Variants in MICALL2 observed in about 807,000 individuals in gnomAD.
The protein encoded by MICALL2 is MICAL like 2, also known as MICAL-like protein 2.
Under a neutral mutation model 91.1 loss-of-function variants are expected in MICALL2, and 111 were observed. The ratio of observed to expected loss-of-function variants is 1.22; its 90% confidence interval spans 1.04 to 1.43. MICALL2 has a LOEUF of 1.43. MICALL2 is among the 40% of genes most tolerant of loss of function. The probability of loss-of-function intolerance (pLI) is 0.00; values close to 1 mark genes in which losing one functional copy is unlikely to be tolerated. For missense variants in MICALL2, 1,556 were observed against 1,236.0 expected (o/e 1.26, Z -3.88); for synonymous variants, 694 against 525.3 (o/e 1.32, Z -4.39).
chr7:1,442,722 C>A (rs1584212656), intron 6 of MICALL2, among the ~76,000 whole-genome samples: 1 of 152,150 alleles, frequency 6.6e-6, no homozygotes, highest in Non-Finnish European at 1.5e-5. Flanking sequence ...CTCCCAATGA[C>A]CACCCTGGCA....
At position 1,448,774 on chromosome 7, in the gene MICALL2, G is replaced by A. The variant is rs759754655; in HGVS notation, c.193-13C>T. ...CCACGCGGAAGGCCTGCGAAAGGTG[G>A]GAGGGGGTCAGCGGGGCAGCTGGGA... On this transcript the variant is annotated splice_polypyrimidine_tract_variant and intron_variant, in intron 2 of 16. Coordinates refer to ENST00000297508, the MANE Select transcript of MICALL2 (RefSeq NM_182924.4). The A allele has an allele frequency of 1.2e-6, 2 of 1,612,030 alleles. No individual in the cohort carries two copies. The highest frequency in any genetic ancestry group is 1.7e-6 in the Non-Finnish European group (2 of 1,179,594).
chr7:1,451,705 A>T lies in MICALL2; in HGVS notation c.144-1417T>A, dbSNP rs1173734669. 3.3e-5 allele frequency among the ~76,000 whole-genome samples: 5 copies of T among 152,202 alleles called. No individual in the cohort carries two copies. The highest frequency in any genetic ancestry group is 1.5e-5 in the Non-Finnish European group (1 of 68,024). On this transcript the variant is annotated intron_variant, in intron 1 of 16. Transcript: ENST00000297508. This position sits in a 1 kb window ranked among gnomAD's most constrained non-coding sequence, Gnocchi z 4.5. ...CGGCCAGCCTCGGTCTCAGGGCCTC[A>T]GTCTCCCTGTCTGGGAGGACAACCG... is the stretch of plus-strand genomic sequence containing the variant.
In MICALL2 at chr7:1,445,253, G is replaced by A. The variant is rs750749457; in HGVS notation, c.817C>T (p.Pro273Ser). 2 of 1,612,376 alleles carry A rather than the reference G, an allele frequency of 1.2e-6. No homozygotes were observed. Among genetic ancestry groups the A allele is most frequent in the Non-Finnish European group, 8.5e-7 (1 of 1,179,810 alleles). ...MGVDSRTSCS[P>S]QKAQEANKAR... ...TTGTTTGCCTCCTGGGCCTTCTGTG[G>A]GGAACAGGAGGTCCTGGAATCCACA... The change falls in exon 6 of 17, where the codon CCA (proline) becomes TCA (serine). Residue 273 changes from proline (P) to serine (S), a missense_variant. Coordinates refer to ENST00000297508, the MANE Select transcript of MICALL2 (RefSeq NM_182924.4).
intron 1 of MICALL2, among the ~76,000 whole-genome samples, chr7:1,454,455 G>A (rs374909422): frequency 5.9e-5 from 9 of 152,028 alleles, no homozygotes. Context: ...CAGGAGAGGA[G>A]GGGGTGGGCA....
At chr7:1,442,136 G>T in intron 7 of MICALL2, 56 bp downstream of exon 7, 1 of 1,580,920 alleles carries the variant, frequency 6.3e-7, no homozygotes, top group Non-Finnish European at 8.6e-7. Context: ...GCGGCCAGGG[G>T]AGAGTCCCAG....
At chr7:1,447,796 C>A in intron 3 of MICALL2, 31 bp from the exon 4 acceptor site, 1 of 1,462,576 alleles carries the variant, frequency 6.8e-7, no homozygotes. Flanking sequence ...TCGGGAGGGT[C>A]CCAGGCCTGG....
chr7:1,436,457 G>A (rs111421131), intron 15 of MICALL2, among the ~76,000 whole-genome samples: 11,366 of 149,790 alleles, frequency 0.076, 1,411 homozygotes, highest in African/African-American at 0.26. Context: ...AGAAGCTGAG[G>A]CAAGAGAATC....
rs770598086 is a variant in MICALL2 at position 1,438,825 on chromosome 7, G to A, written c.2122+15C>T. 2.6e-5 allele frequency: 41 copies of A among 1,587,090 alleles called. No homozygotes were observed. In the East Asian group the frequency reaches 5.9e-4, roughly 23 times the overall value. On this transcript the variant is annotated intron_variant, in intron 10 of 16. Transcript: ENST00000297508. ...CACGTACACCCCAAACAGCAGCGGT[G>A]TCTCTGGGGCTGACCTGGTTTGCCC...
In MICALL2 at chr7:1,438,612, A is replaced by C; in HGVS notation, c.2122+228T>G. 6 of 1,420,522 alleles carry C rather than the reference A, an allele frequency of 4.2e-6. No individual in the cohort carries two copies. In the South Asian group the frequency reaches 9.4e-5, roughly 22 times the overall value. 88.0% of individuals were successfully genotyped at this position (1,420,522 alleles called of 1,614,324 possible). ...CACCCCAGTCCCTCAAGCTGCCAGA[A>C]GCAGACATTCCATCATCACCATGAG... On this transcript the variant is annotated intron_variant, in intron 10 of 16. Transcript: ENST00000297508.
rs367939579 is a variant in MICALL2, at chr7:1,438,341, G to A, written c.2135C>T (p.Ser712Phe). The A allele has an allele frequency of 7.6e-5, 122 of 1,603,512 alleles. 1 individual carries two copies. The highest frequency in any genetic ancestry group is 6.4e-4 in the South Asian group (57 of 89,450). The change falls in exon 11 of 17, where the codon TCC (serine) becomes TTC (phenylalanine). Residue 712 changes from serine (S) to phenylalanine (F), a missense_variant. Ser to Phe is a radical substitution (Grantham distance 155). Coordinates refer to ENST00000297508, the MANE Select transcript of MICALL2 (RefSeq NM_182924.4). ...AGGCAGAGCAGGGACATTGGCCGGG[G>A]ACAAGGGTCTCCCTGGAGAAGGAGC... ...HLQGKPGRPL[S>F]PANVPALPGE...
chr7:1,450,400 G>T, intron 1 of MICALL2, 112 bp from the exon 2 acceptor site: 3 of 874,678 alleles, frequency 3.4e-6, no homozygotes, highest in Non-Finnish European at 5.8e-6. Flanking sequence ...AGGATGGGGG[G>T]CTGTGAAGGA....
chr7:1,435,785 T>G (rs1013896082), intron 15 of MICALL2, among the ~76,000 whole-genome samples: 4 of 152,226 alleles, frequency 2.6e-5, no homozygotes, highest in African/African-American at 7.2e-5. Context: ...CCGGGCACGG[T>G]GGCTCACACC....
rs1236921239 is a variant in MICALL2 at position 1,444,792 on chromosome 7, C to T, written c.1278G>A (p.Val426=). 6.2e-7 allele frequency: 1 copy of T among 1,611,628 alleles called. No homozygotes were observed. The highest frequency in any genetic ancestry group is 8.5e-7 in the Non-Finnish European group (1 of 1,179,420). ...TGCCAGAAAGGCTGGTGCCGGGGGG[C>T]ACTGCTGATGTTTGGAAAAACTTAT... ...ARNKFFQTSA[V]PPGTSLSGRG... The change falls in exon 6 of 17, where the codon GTG becomes GTA. Residue 426 remains valine (V), a synonymous_variant. Transcript: ENST00000297508.
Position 1,436,805 on chromosome 7 carries a change from T to C in MICALL2, c.2528A>G (p.Gln843Arg), listed in dbSNP as rs1779988255. Residue 843 changes from glutamine to arginine, a missense_variant, in exon 15 of 17, where the codon CAG (glutamine) becomes CGG (arginine). Physicochemically the swap from Gln to Arg is conservative, Grantham distance 43 (BLOSUM62 1). Coordinates refer to ENST00000297508, the MANE Select transcript of MICALL2 (RefSeq NM_182924.4). ...ERRREQELLE[Q>R]YVSTVNDRSD... ...GCGGTCGTTCACGGTGCTCACGTACTGCTCCAGCAGCTCCTGCTCCCGCCG... is the reference window on the plus strand; with the variant it reads ...GCGGTCGTTCACGGTGCTCACGTACCGCTCCAGCAGCTCCTGCTCCCGCCG... 1.9e-6 allele frequency: 3 copies of C among 1,607,556 alleles called. No individual in the cohort carries two copies. The highest frequency in any genetic ancestry group is 1.1e-5 in the South Asian group (1 of 90,678).
At chr7:1,441,542 C>T (rs1338993397) in intron 7 of MICALL2, 2 of 153,786 alleles carry the variant, frequency 1.3e-5, no homozygotes, top group Non-Finnish European at 2.9e-5. Flanking sequence ...CCAGGGAGCC[C>T]CCAGGAAGAG....
intron 9 of MICALL2, chr7:1,439,330 G>T: frequency 3.2e-6 from 1 of 317,422 alleles, no homozygotes; most frequent in African/African-American, 2.1e-5. Context: ...GAACACGGGT[G>T]CACACGTGGA....
chr7:1,435,228 T>G, intron 15 of MICALL2, 81 bp from the exon 16 acceptor site: 1 of 1,463,104 alleles, frequency 6.8e-7, no homozygotes, highest in South Asian at 1.1e-5. Context: ...TCTCCAGCAG[T>G]GGCACCCCAG....
At chr7:1,442,559 T>C (rs964906928) in intron 6 of MICALL2, 75 bp from the exon 7 acceptor site, 6 of 1,399,746 alleles carry the variant, frequency 4.3e-6, no homozygotes, top group Middle Eastern at 1.9e-4. Context: ...GCCGCCCCTC[T>C]GCCTCCCTGC....
At chr7:1,439,886 T>G in intron 9 of MICALL2, 39 bp downstream of exon 9, 1 of 1,391,952 alleles carries the variant, frequency 7.2e-7, no homozygotes, top group Non-Finnish European at 9.3e-7. Context: ...GAGGGCCAGC[T>G]AGGCAACCCG....
Sources: allele counts gnomAD v4.1 joint callset (sites outside exome capture counted in the v4.1 genomes callset), GRCh38; gene constraint gnomAD v4.1.1; non-coding constraint Gnocchi (gnomAD v3.1); transcripts MANE v1.5; gene names NCBI Gene and HGNC (gene_info 2026-07-23, HGNC 2026-07-21).